The following GPM6A variants were observed in gnomAD, a reference collection of about 807,000 sequenced individuals.
The protein encoded by GPM6A is glycoprotein M6A.
In GPM6A, 7 loss-of-function variants were observed where a neutral mutation model predicts 32.1. The observed-to-expected ratio is 0.22, with a 90% CI of 0.12 to 0.41. GPM6A has a LOEUF of 0.41. Ranked by LOEUF, GPM6A falls within the 10% of genes least tolerant of loss-of-function variation. The pLI is 1.00. For synonymous variants in GPM6A, 130 were observed against 123.4 expected, an observed-to-expected ratio of 1.05 and a Z score of -0.35; for missense variants, 235 against 347.2, an observed-to-expected ratio of 0.68 and a Z score of 2.57.
chr4:175,675,831 T>A (rs751836278), intron 2 of GPM6A, among the ~76,000 whole-genome samples: 4 of 151,980 alleles, frequency 2.6e-5, no homozygotes, highest in Non-Finnish European at 4.4e-5. Flanking sequence ...TTCGTTTTTT[T>A]TGTAGAGACG....
intron 1 of GPM6A, among the ~76,000 whole-genome samples, chr4:175,858,670 T>C (rs895120638): frequency 2.6e-5 from 4 of 152,134 alleles, no homozygotes; most frequent in Admixed American, 6.6e-5. Flanking sequence ...TTAGGAAATT[T>C]ATTGAAACTT....
intron 1 of GPM6A, among the ~76,000 whole-genome samples, chr4:175,981,776 T>C (rs1740822269): frequency 6.6e-6 from 1 of 152,126 alleles, no homozygotes; most frequent in Non-Finnish European, 1.5e-5. Flanking sequence ...ATTTTAAGTG[T>C]ATTTTTGATT....
chr4:175,805,175 T>A (rs890884240), intron 1 of GPM6A, among the ~76,000 whole-genome samples: 3 of 152,062 alleles, frequency 2.0e-5, no homozygotes, highest in Admixed American at 2.0e-4. Context: ...GGAAGGTAAT[T>A]TGGCCGTGTA....
chr4:175,816,263 T>G (rs1735097728), upstream of GPM6A, among the ~76,000 whole-genome samples: 1 of 152,208 alleles, frequency 6.6e-6, no homozygotes, highest in South Asian at 2.1e-4. Flanking sequence ...TCAAGTCAGA[T>G]TTCCCTTTCA....
intron 1 of GPM6A, among the ~76,000 whole-genome samples, chr4:175,921,684 G>A (rs543186860): frequency 2.6e-5 from 4 of 152,142 alleles, no homozygotes; most frequent in Admixed American, 1.3e-4. Context: ...TGCAAGAATA[G>A]AGTGAGATGT....
At chr4:175,637,687 TATATAATATATTATATA>T (rs1211522264) in intron 6 of GPM6A, among the ~76,000 whole-genome samples, 92 of 1,910 alleles carry the variant, frequency 0.048, 2 homozygotes, top group East Asian at 0.3. Flanking sequence ...ATATATATAA[TATATAATATATTATATA>T]TTATATATAT....
chr4:175,850,702 T>G (rs1402534252), intron 1 of GPM6A, among the ~76,000 whole-genome samples: 2 of 151,904 alleles, frequency 1.3e-5, no homozygotes, highest in Admixed American at 1.3e-4. Context: ...TATATATATT[T>G]GTAAAATAAA....
intron 4 of GPM6A, among the ~76,000 whole-genome samples, chr4:175,650,615 A>T (rs183924318): frequency 3.9e-5 from 6 of 152,178 alleles, no homozygotes; most frequent in South Asian, 4.1e-4. Flanking sequence ...TGATTTCATT[A>T]TTATTAAATG....
At chr4:175,685,232 T>G (rs73020138) in intron 2 of GPM6A, among the ~76,000 whole-genome samples, 7,560 of 152,260 alleles carry the variant, frequency 0.05, 212 homozygotes, top group Non-Finnish European at 0.063. Flanking sequence ...ATGTTCCTCT[T>G]TAGCACTATT....
At chr4:175,653,579 G>A (rs531912219) in intron 3 of GPM6A, among the ~76,000 whole-genome samples, 15 of 152,118 alleles carry the variant, frequency 9.9e-5, no homozygotes, top group Admixed American at 3.3e-4. Flanking sequence ...TTAAATCACC[G>A]AAGGAAGGAG....
chr4:175,835,294 T>C (rs1735729862), intron 1 of GPM6A, among the ~76,000 whole-genome samples: 1 of 152,168 alleles, frequency 6.6e-6, no homozygotes, highest in African/African-American at 2.4e-5. Flanking sequence ...TGCTTACTTT[T>C]ATTAACTTTA....
At chr4:175,782,178 A>T (rs1031503947) in intron 1 of GPM6A, among the ~76,000 whole-genome samples, 2 of 152,124 alleles carry the variant, frequency 1.3e-5, no homozygotes, top group African/African-American at 4.8e-5. Flanking sequence ...AAATTTTCCC[A>T]TTATCTAACC....
At chr4:175,738,476 C>T (rs2111160833) in intron 1 of GPM6A, among the ~76,000 whole-genome samples, 1 of 151,780 alleles carries the variant, frequency 6.6e-6, no homozygotes. Context: ...TAAAACCATC[C>T]CAAGCAAGCT....
In GPM6A at chr4:175,976,352, G is replaced by C. The variant is rs551803555; in HGVS notation, c.-23+25957C>G. On this transcript the variant is annotated intron_variant, in intron 1 of 7. Coordinates refer to the GPM6A transcript ENST00000280187. Reference sequence around the variant, plus strand: ...AATTTTTTTTTTTGTATTTTTAGTAGAGACGGGATTTCACCATGTTAGCCA... The same window carrying C: ...AATTTTTTTTTTTGTATTTTTAGTACAGACGGGATTTCACCATGTTAGCCA... Among the ~76,000 whole-genome samples, 14 of 110,476 alleles carry C rather than the reference G, an allele frequency of 1.3e-4. No homozygotes were observed. In the South Asian group the frequency reaches 4.1e-3, roughly 32 times the overall value. The allele number at this position is 110,476 out of a possible 152,430, so 72.5% of individuals were successfully genotyped here. A position where few individuals can be genotyped will look rare whatever the true frequency, so the allele number is the denominator to read the frequency against.
intron 1 of GPM6A, among the ~76,000 whole-genome samples, chr4:175,901,125 G>A (rs1432084508): frequency 1.3e-5 from 2 of 150,940 alleles, no homozygotes; most frequent in African/African-American, 4.9e-5. Flanking sequence ...CAGAGGCTGG[G>A]AAGGATAGTG....
intron 1 of GPM6A, among the ~76,000 whole-genome samples, chr4:175,846,329 C>T (rs1326859147): frequency 6.6e-6 from 1 of 152,116 alleles, no homozygotes; most frequent in African/African-American, 2.4e-5. Flanking sequence ...TGAGGCTCAA[C>T]ATGAAATCCT....
intron 1 of GPM6A, among the ~76,000 whole-genome samples, chr4:175,865,568 TATTTCTTC>T (rs1370803890): frequency 2.6e-5 from 4 of 152,226 alleles, no homozygotes; most frequent in Non-Finnish European, 5.9e-5. Flanking sequence ...GAACATGATA[TATTTCTTC>T]ATTTACTTAG....
chr4:175,750,081 T>C (rs945910614), intron 1 of GPM6A, among the ~76,000 whole-genome samples: 1 of 152,030 alleles, frequency 6.6e-6, no homozygotes, highest in Non-Finnish European at 1.5e-5. Context: ...TTTTTTGAGA[T>C]GGAGTCTCAC....
intron 1 of GPM6A, among the ~76,000 whole-genome samples, chr4:175,877,660 C>A (rs1737127968): frequency 6.6e-6 from 1 of 152,150 alleles, no homozygotes; most frequent in African/African-American, 2.4e-5. Flanking sequence ...CCTGGTCCCA[C>A]CCTTGACACA....
Sources: gnomAD v4.1 joint callset for allele counts (sites outside exome capture counted in the v4.1 genomes callset) on GRCh38, gnomAD v4.1.1 for gene constraint, MANE v1.5 for transcripts, NCBI Gene and HGNC (gene_info 2026-07-23, HGNC 2026-07-21) for gene names.